Variants in AKAP6 observed in about 807,000 individuals in gnomAD.
The protein encoded by AKAP6 is A-kinase anchor protein 6.
A neutral mutation model predicts 188.5 loss-of-function variants in AKAP6; 58 were observed. The ratio of observed to expected loss-of-function variants is 0.31; its 90% CI spans 0.25 to 0.38. AKAP6 has a LOEUF of 0.38. Ranked by LOEUF, AKAP6 falls within the 10% of genes least tolerant of loss-of-function variation. The pLI is 1.00. For missense variants in AKAP6, 2,710 were observed against 2,740.0 expected (o/e 0.99, Z 0.24); for synonymous variants, 989 against 998.6 (o/e 0.99, Z 0.18).
intron 12 of AKAP6, among the ~76,000 whole-genome samples, chr14:32,785,153 G>T (rs1262121526): frequency 6.6e-6 from 1 of 151,952 alleles, no homozygotes; most frequent in African/African-American, 2.4e-5. Flanking sequence ...TTGTTCATTG[G>T]CTCTTTTTTC....
intron 2 of AKAP6, among the ~76,000 whole-genome samples, chr14:32,459,119 G>A (rs1032925968): frequency 1.3e-5 from 2 of 152,082 alleles, no homozygotes; most frequent in Non-Finnish European, 1.5e-5. Flanking sequence ...AAATAAGTCG[G>A]ATATAAGAAA....
intron 11 of AKAP6, among the ~76,000 whole-genome samples, chr14:32,744,968 T>C (rs2031834137): frequency 6.6e-6 from 1 of 152,160 alleles, no homozygotes. Flanking sequence ...TTTTTAATTA[T>C]TTTAATCTTT....
intron 11 of AKAP6, among the ~76,000 whole-genome samples, chr14:32,753,806 C>G (rs1328816123): frequency 2.0e-5 from 3 of 151,932 alleles, no homozygotes; most frequent in African/African-American, 7.2e-5. Flanking sequence ...TTCTTGCTAC[C>G]TTTGTTGAAA....
intron 1 of AKAP6, among the ~76,000 whole-genome samples, chr14:32,431,705 G>T (rs187012515): frequency 6.6e-6 from 1 of 152,080 alleles, no homozygotes; most frequent in African/African-American, 2.4e-5. Context: ...GTAGAGACAG[G>T]GTTTCACCAT....
At chr14:32,630,176 T>C (rs937608908) in intron 7 of AKAP6, among the ~76,000 whole-genome samples, 6 of 152,114 alleles carry the variant, frequency 3.9e-5, no homozygotes, top group African/African-American at 4.8e-5. Context: ...GACGTTTTAA[T>C]TGAAGATCTC....
At chr14:32,690,118 C>CACACAT (rs1890115755) in intron 8 of AKAP6, among the ~76,000 whole-genome samples, 1 of 150,676 alleles carries the variant, frequency 6.6e-6, no homozygotes, top group Non-Finnish European at 1.5e-5. Context: ...CACACACACA[C>CACACAT]ACGATTACTC....
At chr14:32,349,996 G>A (rs2099474210) in intron 1 of AKAP6, among the ~76,000 whole-genome samples, 1 of 152,152 alleles carries the variant, frequency 6.6e-6, no homozygotes, top group South Asian at 2.1e-4. Context: ...ATATACATGA[G>A]TGTATACTAA....
chr14:32,523,738 G>T (rs1182359529), intron 2 of AKAP6, among the ~76,000 whole-genome samples: 9 of 147,798 alleles, frequency 6.1e-5, no homozygotes, highest in African/African-American at 2.3e-4. Context: ...AAAGTGCCAG[G>T]TTGCAGGTGT....
intron 1 of AKAP6, among the ~76,000 whole-genome samples, chr14:32,427,685 C>T (rs564832762): frequency 1.3e-5 from 2 of 152,280 alleles, no homozygotes; most frequent in South Asian, 2.1e-4. Context: ...TTAATGCAAT[C>T]AAATCATGAG....
rs1180729659 is a variant in AKAP6, at chr14:32,832,781, C to T, written c.*2976C>T. On this transcript the variant is annotated 3_prime_UTR_variant, in exon 14 of 14. Transcript: ENST00000280979. ...TATGGAGCAGCCCAGATTATCTTTA[C>T]TCCCTCTTTCTCATGGCAACCCTGA... 6.6e-6 allele frequency: 1 copy of T among 152,620 alleles called. No homozygotes were observed. Among genetic ancestry groups the T allele is most frequent in the Non-Finnish European group, 1.5e-5 (1 of 68,044 alleles). 9.5% of individuals were successfully genotyped at this position (152,620 alleles called of 1,614,324 possible). A position where few individuals can be genotyped will look rare whatever the true frequency, so the allele number is the denominator to read the frequency against.
Position 32,547,005 on chromosome 14 carries a change from G to A in AKAP6, c.2346+6G>A, listed in dbSNP as rs779782808. 1 of 1,581,134 alleles carries A rather than the reference G, an allele frequency of 6.3e-7. No homozygotes were observed. Among genetic ancestry groups the A allele is most frequent in the African/African-American group, 1.4e-5 (1 of 73,926 alleles). ...CCATATGGGAAAAAATAGAGGTAAG[G>A]TGGTTTTCTTAACATGAATGATTTC... On this transcript the variant is annotated splice_donor_region_variant and intron_variant, in intron 4 of 13. Transcript: ENST00000280979.
intron 7 of AKAP6, among the ~76,000 whole-genome samples, chr14:32,604,884 T>A (rs1594776887): frequency 6.6e-6 from 1 of 152,202 alleles, no homozygotes; most frequent in South Asian, 2.1e-4. Flanking sequence ...TAGGTAAACA[T>A]GTGCCATAGT....
At chr14:32,506,049 A>C (rs1880860083) in intron 2 of AKAP6, among the ~76,000 whole-genome samples, 1 of 152,064 alleles carries the variant, frequency 6.6e-6, no homozygotes, top group African/African-American at 2.4e-5. Flanking sequence ...AGGCTGAGGC[A>C]GGAGAATCAC....
chr14:32,434,245 T>C (rs1818575758), intron 2 of AKAP6, among the ~76,000 whole-genome samples: 1 of 152,192 alleles, frequency 6.6e-6, no homozygotes, highest in Non-Finnish European at 1.5e-5. Context: ...AAACAATGAA[T>C]TCTGACATAG....
At chr14:32,657,729 A>G (rs558164559) in intron 7 of AKAP6, among the ~76,000 whole-genome samples, 3 of 151,638 alleles carry the variant, frequency 2.0e-5, no homozygotes, top group Admixed American at 1.3e-4. Context: ...TTTTTTTACC[A>G]TAATTTTATC....
At chr14:32,496,350 G>A (rs1348415573) in intron 2 of AKAP6, among the ~76,000 whole-genome samples, 5 of 151,866 alleles carry the variant, frequency 3.3e-5, no homozygotes, top group Non-Finnish European at 5.9e-5. Flanking sequence ...AGTTTCTCAG[G>A]AACAAAAACT....
chr14:32,649,730 A>T (rs1475854384), intron 7 of AKAP6, among the ~76,000 whole-genome samples: 1 of 152,192 alleles, frequency 6.6e-6, no homozygotes, highest in African/African-American at 2.4e-5. Context: ...TACATAATTT[A>T]TGGTTAATTT....
rs1425640967 is a variant in AKAP6 at position 32,546,345 on chromosome 14, C to A, written c.1692C>A (p.Ala564=). The change falls in exon 4 of 14, where the codon GCC becomes GCA. Residue 564 remains alanine (A), a synonymous_variant. Coordinates refer to ENST00000280979, the MANE Select transcript of AKAP6 (RefSeq NM_004274.5). ...CTTGTAATCAGAGAAGTTGGAATGC[C>A]AAATTGCAATTGCAGTCAGAAACAT... ...LEPCNQRSWN[A]KLQLQSETSS... The A allele has an allele frequency of 1.9e-6, 3 of 1,614,054 alleles. No homozygotes were observed.
At chr14:32,551,588 A>AG (rs1362096432) in intron 4 of AKAP6, among the ~76,000 whole-genome samples, 2 of 151,726 alleles carry the variant, frequency 1.3e-5, no homozygotes, top group Admixed American at 1.3e-4. Flanking sequence ...AAAAAAAAAA[A>AG]AAGGTGTAAT....
Sources: gnomAD v4.1 joint callset for allele counts (sites outside exome capture counted in the v4.1 genomes callset) on GRCh38, gnomAD v4.1.1 for gene constraint, MANE v1.5 for transcripts, NCBI Gene and HGNC (gene_info 2026-07-23, HGNC 2026-07-21) for gene names.